The following STPG4 variants were observed in gnomAD, a reference collection of about 807,000 sequenced individuals.
The protein encoded by STPG4 is sperm-tail PG-rich repeat containing 4.
A neutral mutation model predicts 31.5 loss-of-function variants in STPG4; 41 were observed. That is an observed-to-expected ratio of 1.30 (90% CI 1.01 to 1.69). The LOEUF (loss-of-function observed/expected upper bound fraction) is 1.69. Among genes scored for constraint, STPG4 ranks in the 40% most tolerant of loss-of-function variants. STPG4 has a pLI of 0.00. For synonymous variants in STPG4, 141 were observed against 103.0 expected (o/e 1.37, Z -2.24); for missense variants, 375 against 293.4 (o/e 1.28, Z -2.03).
At chr2:47,116,280 T>C (rs1686151375) in intron 5 of STPG4, among the ~76,000 whole-genome samples, 1 of 152,198 alleles carries the variant, frequency 6.6e-6, no homozygotes, top group African/African-American at 2.4e-5. Context: ...ATCTAAGGAA[T>C]AGAAGGATAT....
intron 5 of STPG4, among the ~76,000 whole-genome samples, 167 bp from the exon 6 acceptor site, chr2:47,090,541 T>C (rs1248206181): frequency 2.0e-5 from 3 of 152,246 alleles, no homozygotes; most frequent in Non-Finnish European, 4.4e-5. Flanking sequence ...CAAGTCATTG[T>C]GAAACGGGAG....
intron 6 of STPG4, among the ~76,000 whole-genome samples, chr2:47,089,499 C>G (rs1210079055): frequency 1.3e-5 from 2 of 152,204 alleles, no homozygotes; most frequent in African/African-American, 4.8e-5. Flanking sequence ...CCTTGACTCC[C>G]CTGGGTGGGC....
chr2:47,106,353 A>G (rs1685910387), intron 5 of STPG4, among the ~76,000 whole-genome samples: 1 of 151,866 alleles, frequency 6.6e-6, no homozygotes, highest in African/African-American at 2.4e-5. Context: ...TACCCCTCAA[A>G]GCTCAAGTCC....
intron 1 of STPG4, among the ~76,000 whole-genome samples, chr2:47,153,406 G>A (rs111704820): frequency 4.8e-4 from 73 of 152,248 alleles, no homozygotes; most frequent in African/African-American, 1.5e-3. Context: ...CCCAACCCTC[G>A]TGCTTCCTCA....
intron 3 of STPG4, among the ~76,000 whole-genome samples, chr2:47,139,582 T>C (rs367893293): frequency 5.3e-4 from 81 of 152,266 alleles, no homozygotes; most frequent in African/African-American, 1.8e-3. Context: ...TTCCATCTCA[T>C]GGAAAGGATA....
At chr2:47,136,511 T>C (rs1686600164) in intron 3 of STPG4, among the ~76,000 whole-genome samples, 1 of 152,210 alleles carries the variant, frequency 6.6e-6, no homozygotes, top group African/African-American at 2.4e-5. Context: ...GTACATATTT[T>C]GTTAGATTTA....
intron 5 of STPG4, among the ~76,000 whole-genome samples, chr2:47,106,334 C>T (rs145980617): frequency 6.6e-6 from 1 of 151,850 alleles, no homozygotes; most frequent in African/African-American, 2.4e-5. Context: ...GGAAATCAGA[C>T]CTTATCAGTA....
At chr2:47,099,598 G>A (rs941770996) in intron 5 of STPG4, among the ~76,000 whole-genome samples, 27 of 152,370 alleles carry the variant, frequency 1.8e-4, no homozygotes, top group Non-Finnish European at 3.1e-4. Flanking sequence ...GCTCGCTCTC[G>A]GCGCCTCCTC....
intron 5 of STPG4, among the ~76,000 whole-genome samples, chr2:47,101,392 GAGC>G (rs1685796673): frequency 2.0e-5 from 3 of 151,724 alleles, no homozygotes; most frequent in African/African-American, 7.3e-5. Context: ...CTGCGGCCAT[GAGC>G]AGAACTCTAA....
chr2:47,108,454 G>A (rs929345558), intron 5 of STPG4: 51 of 155,542 alleles, frequency 3.3e-4, no homozygotes, highest in African/African-American at 1.0e-3. Flanking sequence ...AAGAAACTCC[G>A]AACATATCCG....
At chr2:47,144,380 C>G (rs1686776185) in intron 3 of STPG4, among the ~76,000 whole-genome samples, 2 of 152,156 alleles carry the variant, frequency 1.3e-5, no homozygotes, top group African/African-American at 4.8e-5. Context: ...AACTATGCAG[C>G]TATTAAAAAT....
At position 47,130,149 on chromosome 2, in the gene STPG4, T is replaced by A. The variant is rs138117341; in HGVS notation, c.464+47A>T. The stretch of plus-strand genomic sequence containing the variant: ...TTTAAAAGCCAGGAGTATTGGCGTG[T>A]AGGTATGTAAACAGAAAGGCAGCTT... On this transcript the variant is annotated intron_variant, in intron 4 of 6. Transcript: ENST00000445927. The A allele has an allele frequency of 6.3e-4, 967 of 1,544,012 alleles. 11 individuals carry two copies. In the East Asian group the frequency reaches 0.021, roughly 34 times the overall value.
chr2:47,134,029 C>T (rs1172786736), intron 3 of STPG4, among the ~76,000 whole-genome samples: 1 of 151,486 alleles, frequency 6.6e-6, no homozygotes, highest in South Asian at 2.1e-4. Flanking sequence ...GGTGTGACTA[C>T]ATATACACAT....
intron 5 of STPG4, among the ~76,000 whole-genome samples, chr2:47,116,003 A>G (rs116027794): frequency 2.0e-5 from 3 of 152,250 alleles, no homozygotes; most frequent in East Asian, 1.9e-4. Flanking sequence ...TGTGGCTAGG[A>G]TATGTTGAGA....
chr2:47,152,489 T>C (rs1254191404), intron 2 of STPG4, among the ~76,000 whole-genome samples: 1 of 152,230 alleles, frequency 6.6e-6, no homozygotes. Flanking sequence ...ACAGAAAATA[T>C]GTCTGTAATA....
chr2:47,124,291 T>A (rs1219865081), intron 5 of STPG4, among the ~76,000 whole-genome samples: 1 of 152,150 alleles, frequency 6.6e-6, no homozygotes, highest in East Asian at 1.9e-4. Context: ...AGCCAATTTT[T>A]AAATGTACAA....
chr2:47,095,081 A>G (rs888462876), intron 5 of STPG4, among the ~76,000 whole-genome samples: 3 of 152,352 alleles, frequency 2.0e-5, no homozygotes, highest in South Asian at 2.1e-4. Context: ...GTTGTTAGGC[A>G]TCAAATTCTA....
intron 6 of STPG4, among the ~76,000 whole-genome samples, chr2:47,088,782 A>AGC (rs902730164): frequency 7.9e-5 from 12 of 152,344 alleles, no homozygotes; most frequent in African/African-American, 2.9e-4. Flanking sequence ...CCTTGCCAAA[A>AGC]GCAGAGGAGC....
intron 5 of STPG4, among the ~76,000 whole-genome samples, chr2:47,110,827 T>G (rs1686018429): frequency 6.6e-6 from 1 of 152,226 alleles, no homozygotes; most frequent in Admixed American, 6.5e-5. Context: ...TTTAATAATT[T>G]TCCCAATCAT....
Sources: allele counts gnomAD v4.1 joint callset (sites outside exome capture counted in the v4.1 genomes callset), GRCh38; gene constraint gnomAD v4.1.1; transcripts MANE v1.5; gene names NCBI Gene and HGNC (gene_info 2026-07-23, HGNC 2026-07-21).